The following CCDC71 variants were observed in gnomAD, a reference collection of about 807,000 sequenced individuals.
CCDC71 encodes coiled-coil domain containing 71.
For synonymous variants in CCDC71, 257 were observed against 242.2 expected (o/e 1.06, Z -0.57); for missense variants, 594 against 604.0 (o/e 0.98, Z 0.17).
Position 49,162,619 on chromosome 3 carries a change from C to A in CCDC71, c.*186G>T. The A allele has an allele frequency of 7.0e-6, 1 of 143,856 alleles. No homozygotes were observed. The highest frequency in any genetic ancestry group is 1.5e-5 in the Non-Finnish European group (1 of 65,830). 8.9% of individuals were successfully genotyped at this position (143,856 alleles called of 1,614,324 possible). On this transcript the variant is annotated 3_prime_UTR_variant, in exon 2 of 2. Coordinates refer to ENST00000321895, the MANE Select transcript of CCDC71 (RefSeq NM_022903.4). The stretch of plus-strand genomic sequence containing the variant: ...CAGTGCATCGCGCCATGAAAACACC[C>A]CTCCCGCCCACCCACCCCACCGTAC...
At position 49,163,009 on chromosome 3, in the gene CCDC71, A is replaced by G. The variant is rs372618343; in HGVS notation, c.1200T>C (p.Pro400=). 2 of 1,614,044 alleles carry G rather than the reference A, an allele frequency of 1.2e-6. No homozygotes were observed. Among genetic ancestry groups the G allele is most frequent in the Non-Finnish European group, 1.7e-6 (2 of 1,180,032 alleles). The change falls in exon 2 of 2, where the codon CCT becomes CCC. Residue 400 remains proline (P), a synonymous_variant. Coordinates refer to ENST00000321895, the MANE Select transcript of CCDC71 (RefSeq NM_022903.4). ...RKRAEEAKDL[P]PKKRTRLGPR... ...GCCCAAGCCGTGTTCTCTTCTTGGG[A>G]GGAAGATCTTTTGCCTCCTCAGCCC...
In CCDC71 at chr3:49,166,187, A is replaced by T. The variant is rs1210515564; in HGVS notation, c.-53+80T>A. ...CGGCGGAGGACGCGGGTCCGGGAAG[A>T]GTTGGCCGCTTGCCCGTCCGCCCTG... is the stretch of plus-strand genomic sequence containing the variant. On this transcript the variant is annotated intron_variant, in intron 1 of 1. Coordinates refer to ENST00000321895, the MANE Select transcript of CCDC71 (RefSeq NM_022903.4). This position sits in a 1 kb window ranked among gnomAD's most constrained non-coding sequence, Gnocchi z 4.0. 1 of 151,854 alleles carries T rather than the reference A, an allele frequency of 6.6e-6. No homozygotes were observed. The allele number at this position is 151,854 out of a possible 1,614,324, so 9.4% of individuals were successfully genotyped here. A position where few individuals can be genotyped will look rare whatever the true frequency, so the allele number is the denominator to read the frequency against.
rs757271586 is a variant in CCDC71, at chr3:49,163,555, C to G, written c.654G>C (p.Lys218Asn). 1.9e-6 allele frequency: 3 copies of G among 1,614,242 alleles called. No individual in the cohort carries two copies. The highest frequency in any genetic ancestry group is 1.7e-5 in the Admixed American group (1 of 60,036). ...CTTTGGGCCGAGGGTTCCCCGGACC[C>G]TTCCCTGAACTTTTCCGCAGTTTCA... ...SPLKLRKSSG[K>N]GPGNPRPKAP... Residue 218 changes from lysine (K) to asparagine (N), a missense_variant, in exon 2 of 2, where the codon AAG becomes AAC. By Grantham distance (94) the Lys-to-Asn change is moderately conservative (BLOSUM62 0). Transcript: ENST00000321895.
Position 49,162,687 on chromosome 3 carries a change from G to A in CCDC71, c.*118C>T. The A allele has an allele frequency of 1.1e-6, 1 of 934,366 alleles. No individual in the cohort carries two copies. Among genetic ancestry groups the A allele is most frequent in the Non-Finnish European group, 1.5e-6 (1 of 674,000 alleles). 57.9% of individuals were successfully genotyped at this position (934,366 alleles called of 1,614,324 possible). On this transcript the variant is annotated 3_prime_UTR_variant, in exon 2 of 2. Coordinates refer to ENST00000321895, the MANE Select transcript of CCDC71 (RefSeq NM_022903.4). ...CTGAAAGGAGGCTGGTGGTCACCAG[G>A]GCCCTAGAGAGGCACCGGGAGTCCT...
Position 49,163,564 on chromosome 3 carries a change from A to C in CCDC71, c.645T>G (p.Ser215Arg). ...GAGGGTTCCCCGGACCCTTCCCTGA[A>C]CTTTTCCGCAGTTTCAGAGGAGAGT... The part of the protein sequence containing the change: ...LADSPLKLRK[S>R]SGKGPGNPRP... Residue 215 changes from serine to arginine, a missense_variant, in exon 2 of 2, where the codon AGT becomes AGG. Coordinates refer to ENST00000321895, the MANE Select transcript of CCDC71 (RefSeq NM_022903.4). 1 of 1,614,108 alleles carries C rather than the reference A, an allele frequency of 6.2e-7. No homozygotes were observed. The highest frequency in any genetic ancestry group is 8.5e-7 in the Non-Finnish European group (1 of 1,180,006).
rs752200395 is a variant in CCDC71 at position 49,163,361 on chromosome 3, G to C, written c.848C>G (p.Ala283Gly). 5 of 1,613,990 alleles carry C rather than the reference G, an allele frequency of 3.1e-6. No individual in the cohort carries two copies. Among genetic ancestry groups the C allele is most frequent in the Non-Finnish European group, 4.2e-6 (5 of 1,180,054 alleles). Reference sequence around the variant, plus strand: ...TTTGGCCAGTGTTCGAGCTACCTTGGCCTGGGCTGTTTTGGTGCCCAGGGC... The same window carrying C: ...TTTGGCCAGTGTTCGAGCTACCTTGCCCTGGGCTGTTTTGGTGCCCAGGGC... ...GSALGTKTAQ[A>G]KVARTLAKAA... is the part of the protein sequence containing the mutation. Residue 283 changes from alanine (A) to glycine (G), a missense_variant, in exon 2 of 2, where the codon GCC becomes GGC. Coordinates refer to ENST00000321895, the MANE Select transcript of CCDC71 (RefSeq NM_022903.4).
chr3:49,162,985 C>A lies in CCDC71; in HGVS notation c.1224G>T (p.Gly408=). The change falls in exon 2 of 2, where the codon GGG becomes GGT. Residue 408 remains glycine, a synonymous_variant. Transcript: ENST00000321895. The stretch of plus-strand genomic sequence containing the variant: ...CTAGCCATGCCTTAGGAGATCGGGG[C>A]CCAAGCCGTGTTCTCTTCTTGGGAG... The part of the protein sequence containing the change: ...DLPPKKRTRL[G]PRSPKAWLGP... 1 of 1,614,264 alleles carries A rather than the reference C, an allele frequency of 6.2e-7. No individual in the cohort carries two copies. The highest frequency in any genetic ancestry group is 8.5e-7 in the Non-Finnish European group (1 of 1,180,038).
chr3:49,162,541 G>A lies in CCDC71; in HGVS notation c.*264C>T. The A allele has an allele frequency of 1.9e-6, 1 of 520,732 alleles. No homozygotes were observed. Among genetic ancestry groups the A allele is most frequent in the Non-Finnish European group, 3.4e-6 (1 of 291,538 alleles). The allele number at this position is 520,732 out of a possible 1,614,324, so 32.3% of individuals were successfully genotyped here. ...GGGCAGGGAGACTGGAAGGTGGAAAGGTATAAAACGTGATAGATGGAACAG... is the reference window on the plus strand; with the variant it reads ...GGGCAGGGAGACTGGAAGGTGGAAAAGTATAAAACGTGATAGATGGAACAG... On this transcript the variant is annotated 3_prime_UTR_variant, in exon 2 of 2. Coordinates refer to ENST00000321895, the MANE Select transcript of CCDC71 (RefSeq NM_022903.4).
In CCDC71 at chr3:49,163,988, C is replaced by G. The variant is rs772426683; in HGVS notation, c.221G>C (p.Ser74Thr). The change falls in exon 2 of 2, where the codon AGT (serine) becomes ACT (threonine). Residue 74 changes from serine to threonine, a missense_variant. Physicochemically the swap from Ser to Thr is moderately conservative, Grantham distance 58 (BLOSUM62 1). Transcript: ENST00000321895. ...ILRSGDVYGYSSCTANPPSQT... is the reference protein window; with the variant it reads ...ILRSGDVYGYTSCTANPPSQT... ...GCTTGGGGGATTAGCTGTGCATGAA[C>G]TATAGCCATAGACATCACCACTGCG... The G allele has an allele frequency of 6.2e-7, 1 of 1,614,186 alleles. No individual in the cohort carries two copies. Among genetic ancestry groups the G allele is most frequent in the Non-Finnish European group, 8.5e-7 (1 of 1,180,032 alleles).
Position 49,163,762 on chromosome 3 carries a change from T to C in CCDC71, c.447A>G (p.Ser149=). 1.9e-6 allele frequency: 3 copies of C among 1,614,024 alleles called. No individual in the cohort carries two copies. The South Asian group carries it at 3.3e-5, about 18-fold the overall frequency. The change falls in exon 2 of 2, where the codon TCA becomes TCG. Residue 149 remains serine (S), a synonymous_variant. Coordinates refer to ENST00000321895, the MANE Select transcript of CCDC71 (RefSeq NM_022903.4). ...CTGCACCCCGGGCATGGCTGGCACT[T>C]GATTGCTTCAGAGAGCTCAGCAGCA... ...TNLLLSSLKQ[S]SASHARGAAV... is the part of the protein sequence containing the mutation.
chr3:49,163,544 T>A lies in CCDC71; in HGVS notation c.665A>T (p.Asn222Ile). The change falls in exon 2 of 2, where the codon AAC (asparagine) becomes ATC (isoleucine). Residue 222 changes from asparagine (N) to isoleucine (I), a missense_variant. By Grantham distance (149) the Asn-to-Ile change is moderately radical. Transcript: ENST00000321895. ...LRKSSGKGPG[N>I]PRPKAPRKTT... Reference sequence around the variant, plus strand: ...TTTTCTGGGAGCTTTGGGCCGAGGGTTCCCCGGACCCTTCCCTGAACTTTT... The same window carrying A: ...TTTTCTGGGAGCTTTGGGCCGAGGGATCCCCGGACCCTTCCCTGAACTTTT... The A allele has an allele frequency of 6.2e-7, 1 of 1,614,104 alleles. No individual in the cohort carries two copies. The highest frequency in any genetic ancestry group is 1.1e-5 in the South Asian group (1 of 91,086).
chr3:49,162,787 C>A lies in CCDC71; in HGVS notation c.*18G>T. 6.2e-7 allele frequency: 1 copy of A among 1,606,626 alleles called. No homozygotes were observed. The highest frequency in any genetic ancestry group is 1.1e-5 in the South Asian group (1 of 90,242). ...GACAGCTGGGCTTAGTTTCCCCAAA[C>A]ATTGCCGTGTGAAGGAATCAGACTG... On this transcript the variant is annotated 3_prime_UTR_variant, in exon 2 of 2. Coordinates refer to ENST00000321895, the MANE Select transcript of CCDC71 (RefSeq NM_022903.4).
In CCDC71 at chr3:49,166,215, G is replaced by A. The variant is rs1269448298; in HGVS notation, c.-53+52C>T. 1 of 151,922 alleles carries A rather than the reference G, an allele frequency of 6.6e-6. No individual in the cohort carries two copies. Among genetic ancestry groups the A allele is most frequent in the Non-Finnish European group, 1.5e-5 (1 of 67,936 alleles). 9.4% of individuals were successfully genotyped at this position (151,922 alleles called of 1,614,324 possible). On this transcript the variant is annotated intron_variant, in intron 1 of 1. Coordinates refer to ENST00000321895, the MANE Select transcript of CCDC71 (RefSeq NM_022903.4). The surrounding 1 kb of genome is among the most constrained non-coding windows in gnomAD (Gnocchi z 4.0). The stretch of plus-strand genomic sequence containing the variant: ...TGGCCGCTTGCCCGTCCGCCCTGCC[G>A]CCTCGCGGGCCGCCCCTCCGCGGCG...
chr3:49,163,607 A>G lies in CCDC71; in HGVS notation c.602T>C (p.Leu201Pro). Reference protein sequence around the residue: ...CLGAKHKAQSLQLSLADSPLK... With the variant: ...CLGAKHKAQSPQLSLADSPLK... Reference sequence around the variant, plus strand: ...AGGAGAGTCTGCAAGTGAGAGCTGCAGTGACTGTGCCTTGTGCTTGGCACC... The same window carrying G: ...AGGAGAGTCTGCAAGTGAGAGCTGCGGTGACTGTGCCTTGTGCTTGGCACC... Residue 201 changes from leucine (L) to proline (P), a missense_variant, in exon 2 of 2, where the codon CTG becomes CCG. By Grantham distance (98) the Leu-to-Pro change is moderately conservative. Coordinates refer to ENST00000321895, the MANE Select transcript of CCDC71 (RefSeq NM_022903.4). The G allele has an allele frequency of 6.2e-7, 1 of 1,614,184 alleles. No homozygotes were observed. Among genetic ancestry groups the G allele is most frequent in the Non-Finnish European group, 8.5e-7 (1 of 1,180,026 alleles).
intron 1 of CCDC71, among the ~76,000 whole-genome samples, chr3:49,165,401 T>C (rs569091133): frequency 2.6e-5 from 4 of 152,308 alleles, no homozygotes; most frequent in African/African-American, 7.2e-5. Flanking sequence ...TAACATCTAA[T>C]ACCCAACCCA....
At position 49,162,920 on chromosome 3, in the gene CCDC71, T is replaced by C; in HGVS notation, c.1289A>G (p.Lys430Arg). Residue 430 changes from lysine to arginine, a missense_variant, in exon 2 of 2, where the codon AAG becomes AGG. Coordinates refer to ENST00000321895, the MANE Select transcript of CCDC71 (RefSeq NM_022903.4). ...TAKLLKFRAI[K>R]VDRRSSDDEV... ...ATCATCCGAGGACCGCCTATCTACC[T>C]TTATGGCACGGAACTTCAGCAGCTT... is the stretch of plus-strand genomic sequence containing the variant. The C allele has an allele frequency of 3.7e-6, 6 of 1,614,272 alleles. No individual in the cohort carries two copies. Among genetic ancestry groups the C allele is most frequent in the Non-Finnish European group, 5.1e-6 (6 of 1,180,038 alleles).
In CCDC71 at chr3:49,163,054, A is replaced by G. The variant is rs147910655; in HGVS notation, c.1155T>C (p.Thr385=). 27 of 1,614,124 alleles carry G rather than the reference A, an allele frequency of 1.7e-5. No homozygotes were observed. The African/African-American group carries it at 2.0e-4, about 12-fold the overall frequency. ...CAGCCCTTTTCCTCTTCTGCCCAAC[A>G]GTCTCAGGGCGGTTTTTCTGGCCCT... ...TRKGQKNRPE[T]VGQKRKRAEE... The change falls in exon 2 of 2, where the codon ACT becomes ACC. Residue 385 remains threonine (T), a synonymous_variant. Coordinates refer to ENST00000321895, the MANE Select transcript of CCDC71 (RefSeq NM_022903.4).
In CCDC71 at chr3:49,163,189, G is replaced by T. The variant is rs1047998963; in HGVS notation, c.1020C>A (p.Ala340=). Residue 340 remains alanine (A), a synonymous_variant, in exon 2 of 2, where the codon GCC becomes GCA. Coordinates refer to ENST00000321895, the MANE Select transcript of CCDC71 (RefSeq NM_022903.4). ...KAKAKVMAAW[A]KAKAKAKAVR... ...CTGCCTTGGCTTTAGCCTTGGCCTTGGCCCATGCTGCCATGACTTTGGCCT... is the reference window on the plus strand; with the variant it reads ...CTGCCTTGGCTTTAGCCTTGGCCTTTGCCCATGCTGCCATGACTTTGGCCT... The T allele has an allele frequency of 6.4e-7, 1 of 1,569,236 alleles. No homozygotes were observed.
rs751957285 is a variant in CCDC71, at chr3:49,163,463, C to T, written c.746G>A (p.Arg249Gln). Reference protein sequence around the residue: ...LTRKGPGAGPRRGSGHQSKTN... With the variant: ...LTRKGPGAGPQRGSGHQSKTN... ...TTTGCTCTGGTGCCCAGAGCCTCGTCGGGGTCCAGCCCCAGGGCCTTTGCG... is the reference window on the plus strand; with the variant it reads ...TTTGCTCTGGTGCCCAGAGCCTCGTTGGGGTCCAGCCCCAGGGCCTTTGCG... The change falls in exon 2 of 2, where the codon CGA (arginine) becomes CAA (glutamine). Residue 249 changes from arginine to glutamine, a missense_variant. Physicochemically the swap from Arg to Gln is conservative, Grantham distance 43. Transcript: ENST00000321895. 8.7e-6 allele frequency: 14 copies of T among 1,614,128 alleles called. No individual in the cohort carries two copies. The highest frequency in any genetic ancestry group is 1.3e-5 in the African/African-American group (1 of 74,954).
Sources: allele counts gnomAD v4.1 joint callset (sites outside exome capture counted in the v4.1 genomes callset), GRCh38; gene constraint gnomAD v4.1.1; non-coding constraint Gnocchi (gnomAD v3.1); transcripts MANE v1.5; gene names NCBI Gene and HGNC (gene_info 2026-07-23, HGNC 2026-07-21).